ARL5C: variants seen among roughly 807,000 people sequenced by gnomAD.
ARL5C encodes putative ADP-ribosylation factor-like protein 5C.
In ARL5C, 21 loss-of-function variants were observed where a neutral mutation model predicts 20.8. The ratio of observed to expected loss-of-function variants is 1.01; its 90% CI spans 0.72 to 1.46. The LOEUF (loss-of-function observed/expected upper bound fraction) is 1.46. Ranked by LOEUF, ARL5C falls within the 40% of genes most tolerant of loss-of-function variation. ARL5C has a pLI of 0.00. For synonymous variants in ARL5C, 71 were observed against 81.6 expected (o/e 0.87, Z 0.70); for missense variants, 199 against 225.1 (o/e 0.88, Z 0.74).
intron 5 of ARL5C, among the ~76,000 whole-genome samples, chr17:39,158,125 GAGGGAGGA>G (rs925456248): frequency 6.0e-5 from 7 of 116,566 alleles, no homozygotes; most frequent in East Asian, 3.1e-4. Flanking sequence ...GGGAGGGAGG[GAGGGAGGA>G]AGGAAGGAAG....
downstream of ARL5C, chr17:39,156,879 C>T: frequency 6.4e-7 from 1 of 1,551,798 alleles, no homozygotes; most frequent in Non-Finnish European, 8.7e-7. Context: ...TTCTGGTTGA[C>T]CTCAGACTGG....
intron 5 of ARL5C, among the ~76,000 whole-genome samples, chr17:39,159,022 G>A (rs12940194): frequency 1.9e-5 from 1 of 52,468 alleles, no homozygotes; most frequent in Non-Finnish European, 3.5e-5. Flanking sequence ...TTTATCACTT[G>A]TTTTTTTTTT....
chr17:39,164,586 T>C (rs1567781831), intron 2 of ARL5C, among the ~76,000 whole-genome samples: 1 of 152,168 alleles, frequency 6.6e-6, no homozygotes, highest in Non-Finnish European at 1.5e-5. Flanking sequence ...TTGGAGGCTG[T>C]AAAATGGGAG....
intron 2 of ARL5C, among the ~76,000 whole-genome samples, chr17:39,163,322 C>T (rs1056719398): frequency 1.4e-5 from 2 of 142,684 alleles, no homozygotes; most frequent in Non-Finnish European, 3.1e-5. Flanking sequence ...CCCAGTGAGT[C>T]TGGGCAGGGG....
At chr17:39,159,841 G>A (rs535133887) in intron 5 of ARL5C, among the ~76,000 whole-genome samples, 1 of 152,216 alleles carries the variant, frequency 6.6e-6, no homozygotes, top group Non-Finnish European at 1.5e-5. Context: ...ACTGAAGTCA[G>A]AGTGAGTCAA....
At chr17:39,156,964 A>AG in intron 5 of ARL5C, 22 bp from the exon 6 acceptor site, 1 of 1,551,840 alleles carries the variant, frequency 6.4e-7, no homozygotes, top group Non-Finnish European at 8.7e-7. Context: ...AAGGAACAGG[A>AG]GGGGTCAGCC....
rs796884035 is a variant in ARL5C at position 39,162,846 on chromosome 17, C to T, written c.120G>A (p.Glu40=). The T allele has an allele frequency of 5.8e-6, 9 of 1,550,556 alleles. No individual in the cohort carries two copies. In the African/African-American group the frequency reaches 1.2e-4, roughly 21 times the overall value. The change falls in exon 3 of 6, where the codon GAG becomes GAA. Residue 40 remains glutamate, a synonymous_variant. Transcript: ENST00000269586. ...TTILYRFLTN[E]VVHMCPTIGS... ...CAATGGTGGGACACATATGGACCAC[C>T]TCATTGGTCAAGCTGGGGAGGTAGG... is the stretch of plus-strand genomic sequence containing the variant.
intron 5 of ARL5C, among the ~76,000 whole-genome samples, chr17:39,159,019 CTTGT>C (rs1479150575): frequency 1.6e-4 from 10 of 64,026 alleles, no homozygotes; most frequent in African/African-American, 5.0e-4. Context: ...TCATTTATCA[CTTGT>C]TTTTTTTTTT....
intron 2 of ARL5C, among the ~76,000 whole-genome samples, chr17:39,163,345 C>CCATTCTTTCTTT (rs765643720): frequency 3.7e-5 from 5 of 136,740 alleles, no homozygotes; most frequent in Admixed American, 7.5e-5. Flanking sequence ...CAGGCTTTTG[C>CCATTCTTTCTTT]CTTTCTTTCT....
Position 39,162,824 on chromosome 17 carries a change from T to C in ARL5C, c.142A>G (p.Ile48Val). ...TNEVVHMCPTIGSNVEEIILP... is the reference protein window; with the variant it reads ...TNEVVHMCPTVGSNVEEIILP... ...ATGATCTCCTCCACGTTGCTGCCAA[T>C]GGTGGGACACATATGGACCACCTCA... The change falls in exon 3 of 6, where the codon ATT becomes GTT. Residue 48 changes from isoleucine (I) to valine (V), a missense_variant. Coordinates refer to ENST00000269586, the MANE Select transcript of ARL5C (RefSeq NM_001143968.1). The C allele has an allele frequency of 6.4e-7, 1 of 1,551,264 alleles. No homozygotes were observed. Among genetic ancestry groups the C allele is most frequent in the Non-Finnish European group, 8.7e-7 (1 of 1,146,980 alleles).
At position 39,158,638 on chromosome 17, in the gene ARL5C, G is replaced by A. The variant is rs546440641; in HGVS notation, c.492-1696C>T. On this transcript the variant is annotated intron_variant, in intron 5 of 5. Transcript: ENST00000269586. ...CTCAAAAAAAAAAAAAAAGATACCT[G>A]TGTGCCCAGCCTGCCATGATTCCAC... is the stretch of plus-strand genomic sequence containing the variant. 9.0e-4 allele frequency among the ~76,000 whole-genome samples: 137 copies of A among 151,390 alleles called. No individual in the cohort carries two copies. In the Middle Eastern group the frequency reaches 0.014, roughly 15 times the overall value.
At chr17:39,159,019 CTTGTTTTTTTTT>C (rs2045420648) in intron 5 of ARL5C, among the ~76,000 whole-genome samples, 1 of 63,960 alleles carries the variant, frequency 1.6e-5, no homozygotes, top group African/African-American at 5.6e-5. Flanking sequence ...TCATTTATCA[CTTGTTTTTTTTT>C]TTTTTTTTTT....
Position 39,160,700 on chromosome 17 carries a change from C to T in ARL5C, c.382G>A (p.Asp128Asn). 6.4e-7 allele frequency: 1 copy of T among 1,551,850 alleles called. No homozygotes were observed. Among genetic ancestry groups the T allele is most frequent in the South Asian group, 1.2e-5 (1 of 84,062 alleles). Residue 128 changes from aspartate to asparagine, a missense_variant, in exon 5 of 6, where the codon GAC (aspartate) becomes AAC (asparagine). Asp to Asn is a conservative substitution (Grantham distance 23). Transcript: ENST00000269586. ...ASVLIFANKQ[D>N]VKDSMRMVEI... ...ACCATCCTCATGGAGTCCTTCACGT[C>T]CTGCTTATTGGCAAATATCAGGACT...
rs1455602291 is a variant in ARL5C, at chr17:39,165,465, C to A, written c.46+250G>T. The A allele has an allele frequency of 3.4e-5, 20 of 595,742 alleles. No individual in the cohort carries two copies. In the East Asian group the frequency reaches 5.6e-4, roughly 17 times the overall value. The allele number at this position is 595,742 out of a possible 1,614,324, so 36.9% of individuals were successfully genotyped here. A position where few individuals can be genotyped will look rare whatever the true frequency, so the allele number is the denominator to read the frequency against. Reference sequence around the variant, plus strand: ...AGGAAACTCGCAGCAGCCCCCCATCCCCGCCGCTGGCTCCGTTTAGCGGGG... The same window carrying A: ...AGGAAACTCGCAGCAGCCCCCCATCACCGCCGCTGGCTCCGTTTAGCGGGG... On this transcript the variant is annotated intron_variant, in intron 1 of 5. Coordinates refer to ENST00000269586, the MANE Select transcript of ARL5C (RefSeq NM_001143968.1).
At chr17:39,160,347 A>C in intron 5 of ARL5C, 1 of 412,694 alleles carries the variant, frequency 2.4e-6, no homozygotes. Flanking sequence ...AAAGAGAGAG[A>C]GATTATTGCA....
chr17:39,156,852 A>C, downstream of ARL5C: 4 of 1,551,024 alleles, frequency 2.6e-6, no homozygotes, highest in Admixed American at 2.0e-5. Flanking sequence ...CATGTTGACC[A>C]TGCAAAACCC....
At chr17:39,161,124 G>A (rs1312386422) in intron 4 of ARL5C, 144 bp downstream of exon 4, 1 of 764,440 alleles carries the variant, frequency 1.3e-6, no homozygotes, top group Non-Finnish European at 2.2e-6. Context: ...CCTTCATCAG[G>A]CACAAACCAG....
intron 2 of ARL5C, 26 bp from the exon 3 acceptor site, chr17:39,162,884 G>A (rs576376823): frequency 1.3e-6 from 2 of 1,548,270 alleles, no homozygotes; most frequent in South Asian, 2.4e-5. Context: ...TGGGCACCAA[G>A]AGCTCAGTCC....
chr17:39,157,030 G>C (rs1315730405), intron 5 of ARL5C, 88 bp from the exon 6 acceptor site: 2 of 1,417,750 alleles, frequency 1.4e-6, no homozygotes, highest in South Asian at 1.3e-5. Context: ...ATCGGACTGG[G>C]TGCAGGAACC....
Sources: gnomAD v4.1 joint callset for allele counts (sites outside exome capture counted in the v4.1 genomes callset) on GRCh38, gnomAD v4.1.1 for gene constraint, MANE v1.5 for transcripts, NCBI Gene and HGNC (gene_info 2026-07-23, HGNC 2026-07-21) for gene names.